ERCC6L2: variants seen among roughly 807,000 people sequenced by gnomAD.
ERCC6L2 encodes the protein ERCC excision repair 6 like 2.
In ERCC6L2, 77 loss-of-function variants were observed where a neutral mutation model predicts 132.0. That is an observed-to-expected ratio of 0.58 (90% CI 0.49 to 0.71). The LOEUF (loss-of-function observed/expected upper bound fraction) is 0.71, where lower values mean the gene tolerates loss of function less well. Among genes scored for constraint, ERCC6L2 ranks in the 30% least tolerant of loss-of-function variants. The pLI is 0.00. For missense variants in ERCC6L2, 1,542 were observed against 1,837.6 expected (o/e 0.84, Z 2.94); for synonymous variants, 583 against 632.4 (o/e 0.92, Z 1.17).
intron 17 of ERCC6L2, among the ~76,000 whole-genome samples, chr9:96,003,226 A>T (rs1410200962): frequency 6.6e-6 from 1 of 152,132 alleles, no homozygotes; most frequent in Non-Finnish European, 1.5e-5. Flanking sequence ...TGCTCTTCAT[A>T]ATTTTTGTCT....
At chr9:95,951,341 G>A (rs1587964222) in intron 12 of ERCC6L2, among the ~76,000 whole-genome samples, 1 of 152,098 alleles carries the variant, frequency 6.6e-6, no homozygotes, top group Non-Finnish European at 1.5e-5. Flanking sequence ...AGCTGTAAAT[G>A]CTTACATTAA....
Position 95,875,960 on chromosome 9 carries a change from T to A in ERCC6L2, c.-79T>A, listed in dbSNP as rs141071823. On this transcript the variant is annotated 5_prime_UTR_variant, in exon 1 of 19. Transcript: ENST00000653738. ...GAAGTGGCGTTGGCCGCCATTGGCC[T>A]GCCGGCCAGCCACCTTGCTGTCCTC... 1.5e-5 allele frequency: 23 copies of A among 1,497,844 alleles called. No individual in the cohort carries two copies. Among genetic ancestry groups the A allele is most frequent in the African/African-American group, 1.2e-4 (9 of 72,146 alleles). The allele number at this position is 1,497,844 out of a possible 1,614,324, so 92.8% of individuals were successfully genotyped here.
At position 95,909,326 on chromosome 9, in the gene ERCC6L2, C is replaced by T. The variant is rs932092149; in HGVS notation, c.788+2055C>T. Among the ~76,000 whole-genome samples the T allele has an allele frequency of 9.9e-5, 15 of 152,102 alleles. No individual in the cohort carries two copies. The South Asian group carries it at 2.3e-3, about 23-fold the overall frequency. On this transcript the variant is annotated intron_variant, in intron 4 of 18. Transcript: ENST00000653738. ...CTTACTGACCATACAAAAGTGGCCACGGGCTGGATTTGGCCATGGGCAGTA... is the reference window on the plus strand; with the variant it reads ...CTTACTGACCATACAAAAGTGGCCATGGGCTGGATTTGGCCATGGGCAGTA...
Position 96,012,558 on chromosome 9 carries a change from A to G in ERCC6L2, c.4008A>G (p.Ser1336=), listed in dbSNP as rs1438374991. 1 of 1,367,438 alleles carries G rather than the reference A, an allele frequency of 7.3e-7. No individual in the cohort carries two copies. The highest frequency in any genetic ancestry group is 1.1e-5 in the South Asian group (1 of 88,008). The allele number at this position is 1,367,438 out of a possible 1,614,324, so 84.7% of individuals were successfully genotyped here. A position where few individuals can be genotyped will look rare whatever the true frequency, so the allele number is the denominator to read the frequency against. The change falls in exon 19 of 19, where the codon TCA becomes TCG. Residue 1336 remains serine (S), a synonymous_variant. Transcript: ENST00000653738. Reference sequence around the variant, plus strand: ...GCCTAAAAACATATAAAAGAAAATCAGTTAAGTTTCAGAATCATATTTCCT... The same window carrying G: ...GCCTAAAAACATATAAAAGAAAATCGGTTAAGTTTCAGAATCATATTTCCT... ...VCSLKTYKRK[S]VKFQNHISYR...
At chr9:96,007,025 A>G (rs1388909341) in intron 18 of ERCC6L2, among the ~76,000 whole-genome samples, 2 of 152,154 alleles carry the variant, frequency 1.3e-5, no homozygotes, top group African/African-American at 4.8e-5. Context: ...AGGGGTTAGA[A>G]TGGAGGGAGA....
intron 17 of ERCC6L2, among the ~76,000 whole-genome samples, chr9:95,995,234 A>G (rs911777163): frequency 6.6e-6 from 1 of 152,242 alleles, no homozygotes; most frequent in Non-Finnish European, 1.5e-5. Context: ...GAGCCTTTCA[A>G]TAAATATCAT....
chr9:96,002,100 C>T (rs1352927380), intron 17 of ERCC6L2, among the ~76,000 whole-genome samples: 1 of 152,254 alleles, frequency 6.6e-6, no homozygotes, highest in Non-Finnish European at 1.5e-5. Context: ...GCGTGCCTCT[C>T]CCTCCACACC....
Position 95,922,693 on chromosome 9 carries a change from A to G in ERCC6L2, c.1413+275A>G, listed in dbSNP as rs12682986. Among the ~76,000 whole-genome samples the G allele has an allele frequency of 3.7e-4, 57 of 152,288 alleles. 1 individual carries two copies. The East Asian group carries it at 9.8e-3, about 26-fold the overall frequency. On this transcript the variant is annotated intron_variant, in intron 8 of 18. Coordinates refer to ENST00000653738, the MANE Select transcript of ERCC6L2 (RefSeq NM_020207.7). ...CAGTCTTTGGTATAATTACTAAATA[A>G]CATATTTGATGGGTCAGTTCTATTC...
At chr9:95,962,472 C>T (rs898053434) in intron 13 of ERCC6L2, among the ~76,000 whole-genome samples, 2 of 152,054 alleles carry the variant, frequency 1.3e-5, no homozygotes, top group African/African-American at 4.8e-5. Flanking sequence ...AAATGTCTGA[C>T]AGTAACAGAA....
intron 6 of ERCC6L2, 59 bp from the exon 7 acceptor site, chr9:95,921,116 G>A: frequency 6.9e-7 from 1 of 1,458,616 alleles, no homozygotes; most frequent in Non-Finnish European, 9.3e-7. Flanking sequence ...TGTAGATTAT[G>A]ATTTTTATTA....
chr9:95,894,058 T>G (rs539918506), intron 2 of ERCC6L2, among the ~76,000 whole-genome samples: 1 of 152,324 alleles, frequency 6.6e-6, no homozygotes, highest in East Asian at 1.9e-4. Context: ...CCTAACCTAC[T>G]GAACGTTATA....
chr9:96,020,718 T>C (rs1834271457), downstream of ERCC6L2: 2 of 451,684 alleles, frequency 4.4e-6, no homozygotes, highest in African/African-American at 2.0e-5. Context: ...AGGAGAAACA[T>C]GCTTTGCGCT....
chr9:95,911,875 C>G (rs1025633126), intron 4 of ERCC6L2, among the ~76,000 whole-genome samples: 2 of 152,336 alleles, frequency 1.3e-5, no homozygotes, highest in Admixed American at 1.3e-4. Flanking sequence ...TACCTCAACT[C>G]TTACTGATCT....
rs768924304 is a variant in ERCC6L2, at chr9:95,955,957, C to CTG, written c.1892_1893dup (p.Ile632Ter). On this transcript the variant is annotated frameshift_variant, in exon 13 of 19. Coordinates refer to ENST00000653738, the MANE Select transcript of ERCC6L2 (RefSeq NM_020207.7). LOFTEE classifies it high-confidence loss of function. ...ATGTAGAGATGTCAAAGTGCTTAGG[C>CTG]TGATATCCTTGGGAACTGTGGAGGA... 6.2e-7 allele frequency: 1 copy of CTG among 1,608,150 alleles called. No homozygotes were observed. Among genetic ancestry groups the CTG allele is most frequent in the Non-Finnish European group, 8.5e-7 (1 of 1,176,928 alleles).
At chr9:95,926,619 T>G (rs914843563) in intron 9 of ERCC6L2, among the ~76,000 whole-genome samples, 1 of 152,112 alleles carries the variant, frequency 6.6e-6, no homozygotes, top group Non-Finnish European at 1.5e-5. Context: ...TGCTATGGGT[T>G]CTGGGGGAGG....
intron 9 of ERCC6L2, among the ~76,000 whole-genome samples, chr9:95,923,608 A>T (rs890444709): frequency 6.6e-6 from 1 of 152,154 alleles, no homozygotes; most frequent in African/African-American, 2.4e-5. Flanking sequence ...AATATACTTC[A>T]AATTTTCCTT....
At chr9:95,991,045 A>G (rs537981887) in intron 17 of ERCC6L2, among the ~76,000 whole-genome samples, 2 of 152,014 alleles carry the variant, frequency 1.3e-5, no homozygotes, top group African/African-American at 4.8e-5. Context: ...GCATCTGTCC[A>G]TAGGCTCCGA....
chr9:95,930,676 A>G (rs1830294681), intron 11 of ERCC6L2, among the ~76,000 whole-genome samples: 1 of 152,084 alleles, frequency 6.6e-6, no homozygotes, highest in African/African-American at 2.4e-5. Context: ...CAATCTTTGT[A>G]CTTCTGCATT....
intron 13 of ERCC6L2, among the ~76,000 whole-genome samples, chr9:95,962,327 G>A (rs933997670): frequency 2.6e-5 from 4 of 152,124 alleles, no homozygotes; most frequent in Non-Finnish European, 5.9e-5. Flanking sequence ...ACTGTTGAGA[G>A]TACAACTGGT....
Sources: gnomAD v4.1 joint callset for allele counts (sites outside exome capture counted in the v4.1 genomes callset) on GRCh38, gnomAD v4.1.1 for gene constraint, MANE v1.5 for transcripts, NCBI Gene and HGNC (gene_info 2026-07-23, HGNC 2026-07-21) for gene names.